CNTNAP2: variants seen among roughly 807,000 people sequenced by gnomAD.
CNTNAP2 encodes the protein contactin-associated protein-like 2.
Under a neutral mutation model 155.2 loss-of-function variants are expected in CNTNAP2, and 98 were observed. That is an observed-to-expected ratio of 0.63 (90% confidence interval 0.54 to 0.75). CNTNAP2 has a LOEUF of 0.75. Among genes scored for constraint, CNTNAP2 ranks in the 30% least tolerant of loss-of-function variants. The probability of loss-of-function intolerance (pLI) is 0.00; values close to 1 mark genes in which losing one functional copy is unlikely to be tolerated. For missense variants in CNTNAP2, 1,727 were observed against 1,688.1 expected, an observed-to-expected ratio of 1.02 and a Z score of -0.40; for synonymous variants, 651 against 631.2, an observed-to-expected ratio of 1.03 and a Z score of -0.47.
At chr7:147,767,991 A>G (rs1797409406) in intron 13 of CNTNAP2, among the ~76,000 whole-genome samples, 1 of 152,122 alleles carries the variant, frequency 6.6e-6, no homozygotes, top group Non-Finnish European at 1.5e-5. Context: ...CAGGCAGCTT[A>G]TCACCTGCTC....
intron 1 of CNTNAP2, among the ~76,000 whole-genome samples, chr7:146,756,038 A>C (rs555494713): frequency 1.3e-5 from 2 of 151,394 alleles, no homozygotes; most frequent in African/African-American, 4.9e-5. Context: ...TGAGTTAAAT[A>C]ATATGATATT....
chr7:148,415,894 A>AATAT lies in CNTNAP2; in HGVS notation c.*278_*279insATAT. 1 of 560,782 alleles carries AATAT rather than the reference A, an allele frequency of 1.8e-6. No homozygotes were observed. Among genetic ancestry groups the AATAT allele is most frequent in the South Asian group, 2.3e-5 (1 of 43,974 alleles). The allele number at this position is 560,782 out of a possible 1,614,324, so 34.7% of individuals were successfully genotyped here. Reference sequence around the variant, plus strand: ...TAAGCAATGGTTGAAATTTGTAGGTACTATCTGTCTTATTTTGTGTGTGTT... The same window carrying AATAT: ...TAAGCAATGGTTGAAATTTGTAGGTAATATCTATCTGTCTTATTTTGTGTGTGTT... On this transcript the variant is annotated 3_prime_UTR_variant, in exon 24 of 24. Coordinates refer to ENST00000361727, the MANE Select transcript of CNTNAP2 (RefSeq NM_014141.6).
chr7:146,560,930 T>C (rs1213434720), intron 1 of CNTNAP2, among the ~76,000 whole-genome samples: 1 of 152,206 alleles, frequency 6.6e-6, no homozygotes, highest in Admixed American at 6.5e-5. Context: ...CAGTTCCTGA[T>C]GAAATTAATT....
At chr7:146,456,899 A>G (rs1373435578) in intron 1 of CNTNAP2, among the ~76,000 whole-genome samples, 1 of 152,240 alleles carries the variant, frequency 6.6e-6, no homozygotes, top group African/African-American at 2.4e-5. Context: ...AGAAATTGGT[A>G]GGAAAGACAG....
At chr7:146,531,874 T>C (rs181670687) in intron 1 of CNTNAP2, among the ~76,000 whole-genome samples, 5 of 152,118 alleles carry the variant, frequency 3.3e-5, no homozygotes, top group Non-Finnish European at 7.4e-5. Flanking sequence ...ATAAACTTCT[T>C]GAGCACATGG....
chr7:146,675,952 A>C (rs999179515), intron 1 of CNTNAP2, among the ~76,000 whole-genome samples: 5 of 152,188 alleles, frequency 3.3e-5, no homozygotes, highest in African/African-American at 1.2e-4. Flanking sequence ...GGAAACACAA[A>C]GTGAAATTTG....
chr7:147,095,721 G>A (rs1800517376), intron 4 of CNTNAP2, among the ~76,000 whole-genome samples: 2 of 151,912 alleles, frequency 1.3e-5, no homozygotes, highest in South Asian at 4.2e-4. Flanking sequence ...ACAGAAACGA[G>A]GCAGAAAAAC....
intron 18 of CNTNAP2, among the ~76,000 whole-genome samples, chr7:148,173,086 G>C (rs995559009): frequency 1.3e-5 from 2 of 152,160 alleles, no homozygotes; most frequent in South Asian, 4.1e-4. Context: ...GTTATTACTT[G>C]GTTATTTTAG....
At position 147,963,365 on chromosome 7, in the gene CNTNAP2, A is replaced by T. The variant is rs145379506; in HGVS notation, c.2256-14497A>T. On this transcript the variant is annotated intron_variant, in intron 14 of 23. Coordinates refer to ENST00000361727, the MANE Select transcript of CNTNAP2 (RefSeq NM_014141.6). ...GGAAATACAGTTCTGTTATCTATGG[A>T]TAATACAGTTCTTCCTAGAGGAAGA... is the stretch of plus-strand genomic sequence containing the variant. Among the ~76,000 whole-genome samples the T allele has an allele frequency of 5.1e-3, 775 of 152,258 alleles. 2 individuals carry two copies. Among genetic ancestry groups the T allele is most frequent in the Non-Finnish European group, 8.8e-3 (600 of 68,018 alleles).
intron 1 of CNTNAP2, among the ~76,000 whole-genome samples, chr7:146,158,771 T>C (rs980514901): frequency 2.0e-5 from 3 of 152,170 alleles, no homozygotes; most frequent in African/African-American, 7.2e-5. Context: ...GTCTGACTGG[T>C]GTACCTGAAA....
intron 10 of CNTNAP2, among the ~76,000 whole-genome samples, chr7:147,419,682 T>C (rs570093642): frequency 2.5e-4 from 38 of 152,152 alleles, no homozygotes; most frequent in Middle Eastern, 3.4e-3. Context: ...TCAGCTGGAG[T>C]TTCCCATTTA....
At chr7:146,304,842 C>T (rs1374047611) in intron 1 of CNTNAP2, among the ~76,000 whole-genome samples, 2 of 152,050 alleles carry the variant, frequency 1.3e-5, no homozygotes, top group South Asian at 4.1e-4. Context: ...GGGAAGTTCC[C>T]CTGGATAATA....
intron 1 of CNTNAP2, among the ~76,000 whole-genome samples, chr7:146,693,337 CA>C (rs1001677044): frequency 1.7e-4 from 25 of 149,108 alleles, no homozygotes; most frequent in African/African-American, 4.7e-4. Context: ...CATTATGTAC[CA>C]AAAAAAAATC....
At chr7:147,780,067 G>T (rs1278864157) in intron 13 of CNTNAP2, among the ~76,000 whole-genome samples, 1 of 152,068 alleles carries the variant, frequency 6.6e-6, no homozygotes, top group Non-Finnish European at 1.5e-5. Flanking sequence ...GGGATCTTTT[G>T]GCATGTACAA....
At chr7:146,396,157 T>C (rs1795624339) in intron 1 of CNTNAP2, among the ~76,000 whole-genome samples, 3 of 152,174 alleles carry the variant, frequency 2.0e-5, no homozygotes, top group Admixed American at 2.0e-4. Flanking sequence ...CTGCTCAGTT[T>C]TCTGGGGAAA....
chr7:147,602,404 A>G (rs1437138902), intron 12 of CNTNAP2, among the ~76,000 whole-genome samples: 1 of 151,154 alleles, frequency 6.6e-6, no homozygotes, highest in African/African-American at 2.4e-5. Context: ...ATTTAACCCA[A>G]TATATCCAAA....
At chr7:146,890,415 T>G (rs1027822258) in intron 3 of CNTNAP2, among the ~76,000 whole-genome samples, 2 of 152,198 alleles carry the variant, frequency 1.3e-5, no homozygotes, top group African/African-American at 4.8e-5. Context: ...GTTTCAGCCT[T>G]CATTTCCAGC....
At chr7:146,211,958 C>G (rs899390132) in intron 1 of CNTNAP2, among the ~76,000 whole-genome samples, 4 of 152,074 alleles carry the variant, frequency 2.6e-5, no homozygotes, top group Admixed American at 6.6e-5. Context: ...TAGATAGATA[C>G]AGCTTTTCTG....
chr7:147,215,458 C>T (rs1803247124), intron 8 of CNTNAP2, among the ~76,000 whole-genome samples: 1 of 152,136 alleles, frequency 6.6e-6, no homozygotes. Flanking sequence ...AGTATGTAGC[C>T]TTTTCATATT....
Sources: gnomAD v4.1 joint callset for allele counts (sites outside exome capture counted in the v4.1 genomes callset) on GRCh38, gnomAD v4.1.1 for gene constraint, MANE v1.5 for transcripts, NCBI Gene and HGNC (gene_info 2026-07-23, HGNC 2026-07-21) for gene names.